The following HS6ST2 variants were observed in gnomAD, a reference collection of about 807,000 sequenced individuals.
HS6ST2 encodes the protein heparan sulfate 6-O-sulfotransferase 2.
In HS6ST2, 17 loss-of-function variants were observed where a neutral mutation model predicts 33.0. The observed-to-expected ratio is 0.52, with a 90% CI of 0.35 to 0.77. The LOEUF is 0.77. HS6ST2 is among the 30% of genes least tolerant of loss of function. HS6ST2 has a pLI of 0.01. For synonymous variants in HS6ST2, 248 were observed against 237.1 expected, an observed-to-expected ratio of 1.05 and a Z score of -0.42; for missense variants, 519 against 551.7, an observed-to-expected ratio of 0.94 and a Z score of 0.59.
chrX:132,907,915 A>T (rs1233837189), intron 2 of HS6ST2, among the ~76,000 whole-genome samples: 3 of 112,207 alleles, frequency 2.7e-5, no homozygotes, highest in African/African-American at 9.7e-5. Context: ...AAGAAAAAAC[A>T]CATAAACTGG....
intron 2 of HS6ST2, among the ~76,000 whole-genome samples, chrX:132,746,777 C>A (rs1439625516): frequency 9.0e-6 from 1 of 111,701 alleles, no homozygotes; most frequent in East Asian, 2.8e-4. Context: ...ATCCCATGGA[C>A]CCACCAGGGA....
At chrX:132,654,017 T>C (rs924079752) in intron 4 of HS6ST2, among the ~76,000 whole-genome samples, 4 of 111,508 alleles carry the variant, frequency 3.6e-5, no homozygotes, top group Non-Finnish European at 5.7e-5. Flanking sequence ...AAACTTTCAA[T>C]TACACAAGAT....
chrX:132,950,676 T>C (rs1022213788), intron 2 of HS6ST2, among the ~76,000 whole-genome samples: 7 of 112,051 alleles, frequency 6.2e-5, no homozygotes, highest in African/African-American at 1.9e-4. Flanking sequence ...ATGTTGTAAA[T>C]TGTCTGGTCA....
chrX:132,932,984 A>G (rs1189176991), intron 2 of HS6ST2, among the ~76,000 whole-genome samples: 3 of 107,597 alleles, frequency 2.8e-5, no homozygotes, highest in Non-Finnish European at 5.7e-5. Context: ...CATTATAAAA[A>G]TGAAACTAAT....
intron 4 of HS6ST2, among the ~76,000 whole-genome samples, chrX:132,663,123 C>A (rs1354717441): frequency 8.9e-6 from 1 of 112,153 alleles, no homozygotes; most frequent in Non-Finnish European, 1.9e-5. Context: ...AGAGTCAGGA[C>A]TCAAATACAG....
chrX:132,686,798 T>C (rs1319392068), intron 3 of HS6ST2, among the ~76,000 whole-genome samples: 3 of 112,067 alleles, frequency 2.7e-5, no homozygotes, highest in Non-Finnish European at 5.6e-5. Flanking sequence ...TCTGGTGCTA[T>C]ACTCATTATG....
chrX:132,870,277 C>T (rs1056802265), intron 2 of HS6ST2, among the ~76,000 whole-genome samples: 3 of 111,384 alleles, frequency 2.7e-5, no homozygotes, highest in African/African-American at 9.8e-5. Context: ...AGGACACAAA[C>T]AAATGGAAAA....
chrX:132,630,302 A>C (rs138225815), intron 4 of HS6ST2, among the ~76,000 whole-genome samples: 1 of 112,264 alleles, frequency 8.9e-6, no homozygotes, highest in Non-Finnish European at 1.9e-5. Context: ...ATTCATTCCC[A>C]TCTGAGGGAG....
intron 2 of HS6ST2, among the ~76,000 whole-genome samples, chrX:132,880,343 CT>C (rs1458926594): frequency 1.8e-5 from 2 of 110,242 alleles, no homozygotes; most frequent in Admixed American, 1.9e-4. Flanking sequence ...CGAGACCAGC[CT>C]GGTCAACATG....
chrX:132,715,731 A>C (rs916018370), intron 2 of HS6ST2, among the ~76,000 whole-genome samples: 1 of 112,445 alleles, frequency 8.9e-6, no homozygotes, highest in Non-Finnish European at 1.9e-5. Context: ...AACCCTTCAG[A>C]ACAATTCACA....
Position 132,900,334 on chromosome X carries a change from G to A in HS6ST2, c.947+56474C>T, listed in dbSNP as rs1284637045. Among the ~76,000 whole-genome samples the A allele has an allele frequency of 4.5e-5, 5 of 111,847 alleles. No homozygotes were observed. In the Admixed American group the frequency reaches 4.8e-4, roughly 11 times the overall value. On this transcript the variant is annotated intron_variant, in intron 2 of 4. Transcript: ENST00000370833. ...GGATGCTGGAGCTACAAAAAGGAAT[G>A]AAGAACACTGTAAATGATAAAAATG... is the stretch of plus-strand genomic sequence containing the variant.
At chrX:132,784,147 C>T (rs912820008) in intron 2 of HS6ST2, among the ~76,000 whole-genome samples, 1 of 111,337 alleles carries the variant, frequency 9.0e-6, no homozygotes, top group Non-Finnish European at 1.9e-5. Context: ...AAAATATCCC[C>T]AAATTCAACA....
At chrX:132,765,796 G>C (rs1479076225) in intron 2 of HS6ST2, among the ~76,000 whole-genome samples, 2 of 112,359 alleles carry the variant, frequency 1.8e-5, no homozygotes, top group African/African-American at 3.2e-5. Context: ...AGTGCCAACT[G>C]TAGGTTCAGC....
chrX:132,959,379 G>T (rs2067126438), upstream of HS6ST2, among the ~76,000 whole-genome samples: 1 of 112,243 alleles, frequency 8.9e-6, no homozygotes, highest in African/African-American at 3.2e-5. Context: ...TGATCAAAGG[G>T]GCTTGCTGTA....
At chrX:132,935,864 C>A (rs939186713) in intron 2 of HS6ST2, among the ~76,000 whole-genome samples, 45 of 109,611 alleles carry the variant, frequency 4.1e-4, no homozygotes, top group Non-Finnish European at 6.8e-4. Context: ...GAAATATTTT[C>A]TTTTTGAAAA....
intron 3 of HS6ST2, among the ~76,000 whole-genome samples, chrX:132,686,771 T>C (rs1285064796): frequency 9.0e-6 from 1 of 111,731 alleles, no homozygotes; most frequent in Non-Finnish European, 1.9e-5. Context: ...TTTTTATAAT[T>C]AAAATGTGGT....
At chrX:132,899,806 T>G (rs2066411628) in intron 2 of HS6ST2, among the ~76,000 whole-genome samples, 1 of 112,019 alleles carries the variant, frequency 8.9e-6, no homozygotes. Flanking sequence ...AATCATTATC[T>G]AAGTACTGAA....
At chrX:132,684,308 T>TATATATATGTATATAC (rs2063998740) in intron 3 of HS6ST2, among the ~76,000 whole-genome samples, 1 of 104,465 alleles carries the variant, frequency 9.6e-6, no homozygotes, top group Non-Finnish European at 1.9e-5. Context: ...CACATATATG[T>TATATATATGTATATAC]ATATATATGT....
At chrX:132,927,858 GAAAAAA>G (rs752332242) in intron 2 of HS6ST2, among the ~76,000 whole-genome samples, 1 of 52,030 alleles carries the variant, frequency 1.9e-5, no homozygotes, top group African/African-American at 7.8e-5. Flanking sequence ...CCCTGTCTCA[GAAAAAA>G]AAAAAAAAAA....
Sources: gnomAD v4.1 joint callset for allele counts (sites outside exome capture counted in the v4.1 genomes callset) on GRCh38, gnomAD v4.1.1 for gene constraint, MANE v1.5 for transcripts, NCBI Gene and HGNC (gene_info 2026-07-23, HGNC 2026-07-21) for gene names.